DPH6: variants seen among roughly 807,000 people sequenced by gnomAD.
DPH6 encodes diphthamine biosynthesis 6.
Under a neutral mutation model 38.2 loss-of-function variants are expected in DPH6, and 33 were observed. The ratio of observed to expected loss-of-function variants is 0.86; its 90% CI spans 0.65 to 1.15. The LOEUF (loss-of-function observed/expected upper bound fraction) is 1.15, where lower values mean the gene tolerates loss of function less well. Ranked by LOEUF, DPH6 falls within the 50% of genes most tolerant of loss-of-function variation. The probability of loss-of-function intolerance (pLI) is 0.00; values close to 1 mark genes in which losing one functional copy is unlikely to be tolerated. For synonymous variants in DPH6, 108 were observed against 103.0 expected, an observed-to-expected ratio of 1.05 and a Z score of -0.30; for missense variants, 325 against 320.0, an observed-to-expected ratio of 1.02 and a Z score of -0.12.
At chr15:35,159,993 C>T in the DPH6 span, among the ~76,000 whole-genome samples, 5 of 152,046 alleles carry the variant, frequency 3.3e-5, no homozygotes, top group East Asian at 3.9e-4. Context: ...AGGAGCTAAA[C>T]ATTGAGTATA....
intron 6 of DPH6, among the ~76,000 whole-genome samples, chr15:35,391,329 C>T (rs554230344): frequency 1.3e-5 from 2 of 152,244 alleles, no homozygotes; most frequent in South Asian, 2.1e-4. Context: ...TTCTCAGATC[C>T]CAAGCTGCAT....
At position 35,522,274 on chromosome 15, in the gene DPH6, A is replaced by T. The variant is rs1268694895; in HGVS notation, c.312+16000T>A. 4 of 1,612,654 alleles carry T rather than the reference A, an allele frequency of 2.5e-6. No homozygotes were observed. In the East Asian group the frequency reaches 8.9e-5, roughly 36 times the overall value. Reference sequence around the variant, plus strand: ...TTCAGCAAGCAAGGTCATTCTAGTGATGCCCTGGAAATGGGAAATTAGGAA... The same window carrying T: ...TTCAGCAAGCAAGGTCATTCTAGTGTTGCCCTGGAAATGGGAAATTAGGAA... On this transcript the variant is annotated intron_variant, in intron 3 of 8. Coordinates refer to ENST00000256538, the MANE Select transcript of DPH6 (RefSeq NM_080650.4).
chr15:35,400,673 T>C, intron 6 of DPH6: 1 of 628,956 alleles, frequency 1.6e-6, no homozygotes, highest in Non-Finnish European at 2.9e-6. Context: ...CATTAAAGTC[T>C]CTCTTCCCCC....
rs200683427 is a variant in DPH6 at position 35,372,110 on chromosome 15, T to G, written c.*40A>C. The stretch of plus-strand genomic sequence containing the variant: ...GAAAATACTATGCAATTTTTTTGTA[T>G]AGAAATGGTGGTTTAATGAACAATG... On this transcript the variant is annotated 3_prime_UTR_variant, in exon 9 of 9. Coordinates refer to ENST00000256538, the MANE Select transcript of DPH6 (RefSeq NM_080650.4). The G allele has an allele frequency of 1.3e-6, 2 of 1,494,948 alleles. No individual in the cohort carries two copies. The highest frequency in any genetic ancestry group is 1.8e-6 in the Non-Finnish European group (2 of 1,126,228). 92.6% of individuals were successfully genotyped at this position (1,494,948 alleles called of 1,614,324 possible).
At chr15:35,319,134 T>C (rs2052218078) in intron 3 of DPH6, among the ~76,000 whole-genome samples, 1 of 152,160 alleles carries the variant, frequency 6.6e-6, no homozygotes, top group Non-Finnish European at 1.5e-5. Context: ...CCATCACCAA[T>C]CTTCAGGTCA....
At chr15:35,187,705 G>C in the DPH6 span, among the ~76,000 whole-genome samples, 10 of 152,224 alleles carry the variant, frequency 6.6e-5, no homozygotes, top group African/African-American at 2.4e-4. Context: ...TAGAATTCAG[G>C]CTGGCTGCAA....
At chr15:35,165,839 T>C in the DPH6 span, among the ~76,000 whole-genome samples, 2 of 152,068 alleles carry the variant, frequency 1.3e-5, no homozygotes, top group Admixed American at 6.6e-5. Context: ...CAGAAGTCTA[T>C]AGAGTATACA....
chr15:35,314,644 C>A (rs982469430), intron 3 of DPH6, among the ~76,000 whole-genome samples: 4 of 152,160 alleles, frequency 2.6e-5, no homozygotes, highest in Non-Finnish European at 4.4e-5. Flanking sequence ...GATCTTCTAA[C>A]AACTACACGA....
intron 3 of DPH6, among the ~76,000 whole-genome samples, chr15:35,471,083 T>C (rs1447010590): frequency 6.6e-6 from 1 of 152,202 alleles, no homozygotes; most frequent in Non-Finnish European, 1.5e-5. Context: ...CTTCATAAAA[T>C]ACAGATAATA....
intron 6 of DPH6, among the ~76,000 whole-genome samples, chr15:35,405,868 T>C (rs756972052): frequency 6.6e-6 from 1 of 152,060 alleles, no homozygotes. Flanking sequence ...TGAGGTATGT[T>C]CTTTCTATAC....
At chr15:35,189,506 T>C in the DPH6 span, among the ~76,000 whole-genome samples, 1 of 152,242 alleles carries the variant, frequency 6.6e-6, no homozygotes, top group Non-Finnish European at 1.5e-5. Flanking sequence ...TTTAAGACCC[T>C]GGAAAATCCA....
intron 3 of DPH6, among the ~76,000 whole-genome samples, chr15:35,362,155 T>C (rs908612105): frequency 3.3e-5 from 5 of 152,216 alleles, no homozygotes; most frequent in African/African-American, 1.2e-4. Flanking sequence ...GATGCCTCTT[T>C]CCTGGGTTTG....
intron 3 of DPH6, among the ~76,000 whole-genome samples, chr15:35,516,834 G>A (rs1036484020): frequency 2.0e-5 from 3 of 152,076 alleles, no homozygotes; most frequent in Non-Finnish European, 4.4e-5. Context: ...CCTAGGAGGT[G>A]TCTGCCTCAC....
At chr15:35,215,597 C>G (rs924020059), downstream of DPH6, among the ~76,000 whole-genome samples, 1 of 152,074 alleles carries the variant, frequency 6.6e-6, no homozygotes. Flanking sequence ...ATTTGTTGGC[C>G]AGGCTGGTCT....
At chr15:35,299,050 T>C (rs2140799233) in intron 3 of DPH6, 1 of 710,844 alleles carries the variant, frequency 1.4e-6, no homozygotes, top group Non-Finnish European at 2.5e-6. Context: ...CTTTCTTCTC[T>C]TTCTTCTATT....
chr15:35,525,548 C>A (rs962791974), intron 3 of DPH6, among the ~76,000 whole-genome samples: 12 of 152,154 alleles, frequency 7.9e-5, no homozygotes, highest in Non-Finnish European at 1.6e-4. Context: ...TTCATGAATA[C>A]TCCCAGGCTA....
intron 3 of DPH6, among the ~76,000 whole-genome samples, chr15:35,285,285 C>T (rs1435065776): frequency 6.6e-6 from 1 of 152,092 alleles, no homozygotes; most frequent in Admixed American, 6.5e-5. Context: ...GTGTCCCCAC[C>T]CAAATCTCAT....
chr15:35,390,805 G>C (rs1220350617), intron 6 of DPH6, among the ~76,000 whole-genome samples: 1 of 152,036 alleles, frequency 6.6e-6, no homozygotes, highest in Non-Finnish European at 1.5e-5. Context: ...CTTTAGCTCG[G>C]AGTAGTTTGA....
chr15:35,391,449 A>G (rs1223454149), intron 6 of DPH6, among the ~76,000 whole-genome samples: 1 of 152,162 alleles, frequency 6.6e-6, no homozygotes, highest in East Asian at 1.9e-4. Context: ...GGTGGAGCCT[A>G]CAGAGGCAGG....
Sources: allele counts gnomAD v4.1 joint callset (sites outside exome capture counted in the v4.1 genomes callset), GRCh38; gene constraint gnomAD v4.1.1; transcripts MANE v1.5; gene names NCBI Gene and HGNC (gene_info 2026-07-23, HGNC 2026-07-21).